The following AFF1 variants were observed in gnomAD, a reference collection of about 807,000 sequenced individuals.
AFF1 encodes the protein ALF transcription elongation factor 1.
In AFF1, 48 loss-of-function variants were observed where a neutral mutation model predicts 121.7. The ratio of observed to expected loss-of-function variants is 0.39; its 90% CI spans 0.31 to 0.50. AFF1 has a LOEUF of 0.50. AFF1 is among the 20% of genes least tolerant of loss of function. AFF1 has a pLI of 0.76. For missense variants in AFF1, 1,523 were observed against 1,511.7 expected, an observed-to-expected ratio of 1.01 and a Z score of -0.12; for synonymous variants, 613 against 563.0, an observed-to-expected ratio of 1.09 and a Z score of -1.26.
At chr4:86,981,834 G>A (rs1723782150) in intron 2 of AFF1, among the ~76,000 whole-genome samples, 1 of 152,202 alleles carries the variant, frequency 6.6e-6, no homozygotes, top group African/African-American at 2.4e-5. Flanking sequence ...TCTCTAACCA[G>A]TCATTCTCTT....
intron 2 of AFF1, among the ~76,000 whole-genome samples, chr4:86,990,204 C>T (rs369881793): frequency 6.6e-6 from 1 of 151,170 alleles, no homozygotes; most frequent in African/African-American, 2.4e-5. Flanking sequence ...TGAAACTGGC[C>T]AGGTGGGGTG....
At chr4:87,135,071 C>A (rs544701830) in intron 20 of AFF1, among the ~76,000 whole-genome samples, 43 of 152,236 alleles carry the variant, frequency 2.8e-4, no homozygotes, top group African/African-American at 8.7e-4. Flanking sequence ...GTAGCATAAC[C>A]CAAATACCGA....
chr4:87,088,551 T>G (rs1227362519), intron 5 of AFF1, among the ~76,000 whole-genome samples: 1 of 152,048 alleles, frequency 6.6e-6, no homozygotes, highest in African/African-American at 2.4e-5. Flanking sequence ...GTTATACAGG[T>G]GGAGTAATAT....
intron 2 of AFF1, among the ~76,000 whole-genome samples, chr4:86,987,998 G>T (rs189982956): frequency 7.6e-6 from 1 of 132,428 alleles, no homozygotes; most frequent in Non-Finnish European, 1.6e-5. Context: ...TGTTATTCCC[G>T]CCCACCCCCC....
At chr4:87,084,749 A>G (rs1363937783) in intron 5 of AFF1, among the ~76,000 whole-genome samples, 1 of 152,194 alleles carries the variant, frequency 6.6e-6, no homozygotes, top group African/African-American at 2.4e-5. Flanking sequence ...ATTAAATTGA[A>G]GTCTACAAAC....
intron 2 of AFF1, among the ~76,000 whole-genome samples, chr4:86,959,740 G>A (rs976219233): frequency 2.6e-5 from 4 of 152,168 alleles, no homozygotes; most frequent in Non-Finnish European, 5.9e-5. Flanking sequence ...TGGTTTGAAA[G>A]CAGAGGTTGG....
chr4:87,114,965 T>C lies in AFF1; in HGVS notation c.2132T>C (p.Val711Ala), dbSNP rs763960474. 1 of 1,613,316 alleles carries C rather than the reference T, an allele frequency of 6.2e-7. No homozygotes were observed. The highest frequency in any genetic ancestry group is 8.5e-7 in the Non-Finnish European group (1 of 1,179,614). Reference protein sequence around the residue: ...EDRTPEHFALVPLTESQGPPH... With the variant: ...EDRTPEHFALAPLTESQGPPH... ...AGGACCCCTGAGCACTTTGCTCTTG[T>C]TCCCCTGACTGAGAGCCAGGGCCCA... The change falls in exon 12 of 21, where the codon GTT becomes GCT. Residue 711 changes from valine to alanine, a missense_variant. Coordinates refer to ENST00000395146, the MANE Select transcript of AFF1 (RefSeq NM_001166693.3).
intron 1 of AFF1, among the ~76,000 whole-genome samples, chr4:86,944,133 G>A (rs1305785690): frequency 3.7e-5 from 4 of 108,624 alleles, no homozygotes; most frequent in Non-Finnish European, 7.0e-5. Flanking sequence ...GACAGAGCAA[G>A]ACCCTGTAAA....
chr4:87,059,073 C>G (rs1720458597), intron 4 of AFF1, among the ~76,000 whole-genome samples: 1 of 152,332 alleles, frequency 6.6e-6, no homozygotes, highest in South Asian at 2.1e-4. Context: ...CTCCAGGGCT[C>G]TGTCCTCAAC....
chr4:86,970,188 G>A lies in AFF1; in HGVS notation c.38+21617G>A, dbSNP rs188703048. Among the ~76,000 whole-genome samples the A allele has an allele frequency of 1.5e-4, 23 of 151,962 alleles. No homozygotes were observed. In the East Asian group the frequency reaches 4.5e-3, roughly 29 times the overall value. On this transcript the variant is annotated intron_variant, in intron 2 of 20. Coordinates refer to ENST00000395146, the MANE Select transcript of AFF1 (RefSeq NM_001166693.3). ...ATAATGTGCATATATCAATTTTATAGTTTAAGATATTAAAGTGGGCCAGGC... is the reference window on the plus strand; with the variant it reads ...ATAATGTGCATATATCAATTTTATAATTTAAGATATTAAAGTGGGCCAGGC...
intron 5 of AFF1, 91 bp downstream of exon 5, chr4:87,084,255 T>C: frequency 7.1e-7 from 1 of 1,401,414 alleles, no homozygotes; most frequent in East Asian, 2.3e-5. Flanking sequence ...ACAGTTGCCA[T>C]TGGCTGGGTG....
chr4:86,961,796 G>A (rs755447612), intron 2 of AFF1, among the ~76,000 whole-genome samples: 4 of 152,090 alleles, frequency 2.6e-5, no homozygotes, highest in Non-Finnish European at 2.9e-5. Flanking sequence ...GTCTGTTACA[G>A]CATTGCACAG....
chr4:87,110,175 AT>A (rs144619300), intron 11 of AFF1, among the ~76,000 whole-genome samples: 25 of 149,168 alleles, frequency 1.7e-4, no homozygotes, highest in East Asian at 9.8e-4. Context: ...CCTTTTTTTT[AT>A]TTTTTTTTAA....
At chr4:87,098,152 T>C (rs1489519079) in intron 8 of AFF1, among the ~76,000 whole-genome samples, 1 of 152,122 alleles carries the variant, frequency 6.6e-6, no homozygotes, top group African/African-American at 2.4e-5. Flanking sequence ...AGAGGCCCAG[T>C]AGTAAAGGAT....
chr4:87,075,217 T>C (rs1722526313), intron 4 of AFF1, among the ~76,000 whole-genome samples: 1 of 152,186 alleles, frequency 6.6e-6, no homozygotes, highest in African/African-American at 2.4e-5. Flanking sequence ...CAGTGATGTC[T>C]TAGGATTTAG....
intron 2 of AFF1, among the ~76,000 whole-genome samples, chr4:86,955,177 CAATA>C (rs1445696716): frequency 6.6e-6 from 1 of 152,032 alleles, no homozygotes; most frequent in Non-Finnish European, 1.5e-5. Flanking sequence ...TTTAAAATGA[CAATA>C]AAAGTGGAAA....
rs541822730 is a variant in AFF1 at position 87,030,857 on chromosome 4, T to C, written c.39-15309T>C. Among the ~76,000 whole-genome samples the C allele has an allele frequency of 4.7e-4, 72 of 152,192 alleles. No homozygotes were observed. In the Middle Eastern group the frequency reaches 0.01, roughly 22 times the overall value. On this transcript the variant is annotated intron_variant, in intron 2 of 20. Coordinates refer to ENST00000395146, the MANE Select transcript of AFF1 (RefSeq NM_001166693.3). ...ACTCGCATTCCCAAGATTGAGCCTC[T>C]TTTGGGCAATGAGGAGCAAAAGGGG...
intron 2 of AFF1, among the ~76,000 whole-genome samples, chr4:86,983,864 C>T (rs1350850569): frequency 6.6e-6 from 1 of 151,902 alleles, no homozygotes; most frequent in Non-Finnish European, 1.5e-5. Context: ...GGTGAAACCC[C>T]GTCTCTACTA....
At chr4:87,012,331 C>T (rs1726862250) in intron 2 of AFF1, among the ~76,000 whole-genome samples, 4 of 149,806 alleles carry the variant, frequency 2.7e-5, no homozygotes, top group South Asian at 4.2e-4. Context: ...CCAAGATAGG[C>T]AAATAAACTT....
Sources: gnomAD v4.1 joint callset for allele counts (sites outside exome capture counted in the v4.1 genomes callset) on GRCh38, gnomAD v4.1.1 for gene constraint, MANE v1.5 for transcripts, NCBI Gene and HGNC (gene_info 2026-07-23, HGNC 2026-07-21) for gene names.